PM20D2: variants seen among roughly 807,000 people sequenced by gnomAD.
PM20D2 encodes the protein peptidase M20 domain containing 2.
A neutral mutation model predicts 42.9 loss-of-function variants in PM20D2; 33 were observed. That is an observed-to-expected ratio of 0.77 (90% CI 0.58 to 1.03). The LOEUF (loss-of-function observed/expected upper bound fraction) is 1.03, where lower values mean the gene tolerates loss of function less well. Among genes scored for constraint, PM20D2 ranks in the 50% least tolerant of loss-of-function variants. The probability of loss-of-function intolerance (pLI) is 0.00; values close to 1 mark genes in which losing one functional copy is unlikely to be tolerated. For missense variants in PM20D2, 548 were observed against 557.0 expected (o/e 0.98, Z 0.16); for synonymous variants, 250 against 228.2 (o/e 1.10, Z -0.86).
chr6:89,142,320 G>A (rs925985628), upstream of PM20D2, among the ~76,000 whole-genome samples: 9 of 152,172 alleles, frequency 5.9e-5, no homozygotes, highest in African/African-American at 2.2e-4. Context: ...AGCTAGAGAA[G>A]TTTCTGGAGT....
the PM20D2 span, among the ~76,000 whole-genome samples, chr6:89,115,951 T>C: frequency 6.6e-6 from 1 of 150,856 alleles, no homozygotes; most frequent in Non-Finnish European, 1.5e-5. Context: ...GGGATTTTCA[T>C]ATGATTCAAC....
At chr6:89,126,085 CA>C in the PM20D2 span, among the ~76,000 whole-genome samples, 149 of 135,916 alleles carry the variant, frequency 1.1e-3, no homozygotes, top group Admixed American at 1.2e-3. Context: ...AACTCTGTCT[CA>C]AAAAAAAAAA....
the PM20D2 span, among the ~76,000 whole-genome samples, chr6:89,094,781 C>CT: frequency 0.22 from 30,521 of 138,746 alleles, 3,950 homozygotes; most frequent in East Asian, 0.67. Context: ...TGCTACGCAT[C>CT]TTTTTTTTTT....
At chr6:89,102,144 TTTTG>T in the PM20D2 span, among the ~76,000 whole-genome samples, 9,484 of 151,680 alleles carry the variant, frequency 0.063, 847 homozygotes, top group African/African-American at 0.2. Flanking sequence ...CAATTTTTGG[TTTTG>T]TTTGTTTGTT....
chr6:89,124,133 T>C, the PM20D2 span, among the ~76,000 whole-genome samples: 1 of 152,220 alleles, frequency 6.6e-6, no homozygotes, highest in Admixed American at 6.5e-5. Context: ...AAAGGGAAAT[T>C]AATCACTCAA....
chr6:89,098,609 G>T, the PM20D2 span: 2 of 1,613,068 alleles, frequency 1.2e-6, no homozygotes, highest in East Asian at 4.5e-5. Context: ...ATAACTTCGA[G>T]ATCTGGAATG....
chr6:89,126,393 T>TA, the PM20D2 span, among the ~76,000 whole-genome samples: 7 of 150,394 alleles, frequency 4.7e-5, no homozygotes, highest in Admixed American at 3.3e-4. Context: ...AGACCTGTCT[T>TA]AAAAAAAAAA....
chr6:89,131,105 C>G, the PM20D2 span, among the ~76,000 whole-genome samples: 4 of 152,152 alleles, frequency 2.6e-5, no homozygotes, highest in East Asian at 7.7e-4. Context: ...GGTGGTATCA[C>G]ATGCCAAGGG....
At chr6:89,121,734 A>G in the PM20D2 span, among the ~76,000 whole-genome samples, 1 of 152,198 alleles carries the variant, frequency 6.6e-6, no homozygotes, top group Non-Finnish European at 1.5e-5. Context: ...TTCCCATAAC[A>G]AAAGCCTCAT....
the PM20D2 span, among the ~76,000 whole-genome samples, chr6:89,115,209 G>A: frequency 6.6e-6 from 1 of 152,012 alleles, no homozygotes; most frequent in Non-Finnish European, 1.5e-5. Context: ...GTGACCTCCC[G>A]GGCTCCCACC....
chr6:89,107,593 T>C, the PM20D2 span, among the ~76,000 whole-genome samples: 2 of 151,942 alleles, frequency 1.3e-5, no homozygotes, highest in South Asian at 4.2e-4. Flanking sequence ...CAGCCAGGTG[T>C]GGTAGCGTGT....
At chr6:89,127,021 C>T in the PM20D2 span, among the ~76,000 whole-genome samples, 3 of 152,120 alleles carry the variant, frequency 2.0e-5, no homozygotes, top group East Asian at 3.9e-4. Flanking sequence ...TTTTTAAGTG[C>T]ACAAGTTCAT....
chr6:89,128,192 T>C, the PM20D2 span, among the ~76,000 whole-genome samples: 1 of 152,204 alleles, frequency 6.6e-6, no homozygotes, highest in Admixed American at 6.5e-5. Context: ...GGAGAGATAT[T>C]GCTAAATTCT....
At chr6:89,096,518 T>G in the PM20D2 span, 1 of 152,174 alleles carries the variant, frequency 6.6e-6, no homozygotes, top group African/African-American at 2.4e-5. Context: ...AATGGTATCC[T>G]CCTAAGCAGC....
chr6:89,158,521 A>G, intron 5 of PM20D2, 61 bp downstream of exon 5: 1 of 1,558,438 alleles, frequency 6.4e-7, no homozygotes. Flanking sequence ...ATCTTTGGTT[A>G]AATTGGTTGT....
the PM20D2 span, among the ~76,000 whole-genome samples, chr6:89,115,847 G>T: frequency 6.6e-6 from 1 of 150,486 alleles, no homozygotes; most frequent in African/African-American, 2.4e-5. Flanking sequence ...GTGCTAGCCA[G>T]GATGGTTTCC....
chr6:89,100,885 A>C, the PM20D2 span, among the ~76,000 whole-genome samples: 1 of 152,154 alleles, frequency 6.6e-6, no homozygotes, highest in African/African-American at 2.4e-5. Flanking sequence ...CGAGTGGATC[A>C]CCTGAGGTCA....
chr6:89,157,588 G>A (rs1471637989), intron 4 of PM20D2, among the ~76,000 whole-genome samples: 1 of 152,182 alleles, frequency 6.6e-6, no homozygotes, highest in African/African-American at 2.4e-5. Flanking sequence ...GTCAGTGTCA[G>A]TTTGCATATT....
At chr6:89,128,255 G>A in the PM20D2 span, among the ~76,000 whole-genome samples, 3 of 152,152 alleles carry the variant, frequency 2.0e-5, no homozygotes, top group Admixed American at 6.5e-5. Context: ...ATGCATTCCT[G>A]GAGGGAGGTC....
Sources: gnomAD v4.1 joint callset for allele counts (sites outside exome capture counted in the v4.1 genomes callset) on GRCh38, gnomAD v4.1.1 for gene constraint, MANE v1.5 for transcripts, NCBI Gene and HGNC (gene_info 2026-07-23, HGNC 2026-07-21) for gene names.